The following STXBP5L variants were observed in gnomAD, a reference collection of about 807,000 sequenced individuals.
The protein encoded by STXBP5L is syntaxin binding protein 5L.
STXBP5L carries 65 observed loss-of-function variants against 144.5 expected under a neutral mutation model. That is an observed-to-expected ratio of 0.45 (90% CI 0.37 to 0.55). The LOEUF (loss-of-function observed/expected upper bound fraction) is 0.55, where lower values mean the gene tolerates loss of function less well. Ranked by LOEUF, STXBP5L falls within the 20% of genes least tolerant of loss-of-function variation. The probability of loss-of-function intolerance (pLI) is 0.00; values close to 1 mark genes in which losing one functional copy is unlikely to be tolerated. For synonymous variants in STXBP5L, 505 were observed against 469.6 expected (o/e 1.08, Z -0.97); for missense variants, 1,298 against 1,405.5 (o/e 0.92, Z 1.22).
At chr3:121,373,199 A>G (rs1384468215) in intron 20 of STXBP5L, among the ~76,000 whole-genome samples, 1 of 152,240 alleles carries the variant, frequency 6.6e-6, no homozygotes, top group Non-Finnish European at 1.5e-5. Flanking sequence ...TAGAAAAGGA[A>G]GCAAGGCACT....
chr3:120,982,560 G>T (rs1185595435), intron 3 of STXBP5L, among the ~76,000 whole-genome samples: 1 of 152,220 alleles, frequency 6.6e-6, no homozygotes, highest in Non-Finnish European at 1.5e-5. Flanking sequence ...AGGCCACAGT[G>T]TAACTGAGGG....
intron 3 of STXBP5L, among the ~76,000 whole-genome samples, chr3:121,019,855 A>C (rs950420459): frequency 1.3e-5 from 2 of 152,184 alleles, no homozygotes; most frequent in African/African-American, 4.8e-5. Context: ...GTAATATGAC[A>C]AAACAAGGTT....
intron 11 of STXBP5L, among the ~76,000 whole-genome samples, chr3:121,232,693 A>G (rs2049346471): frequency 6.6e-6 from 1 of 152,216 alleles, no homozygotes; most frequent in Non-Finnish European, 1.5e-5. Flanking sequence ...CACAATGGAA[A>G]GCCAAACACT....
chr3:121,077,781 C>T (rs1240663506), intron 5 of STXBP5L, among the ~76,000 whole-genome samples: 1 of 152,066 alleles, frequency 6.6e-6, no homozygotes, highest in African/African-American at 2.4e-5. Context: ...AGAGTGTCAA[C>T]ACAAAGGTTC....
At chr3:120,990,543 C>T (rs1193918844) in intron 3 of STXBP5L, among the ~76,000 whole-genome samples, 1 of 152,166 alleles carries the variant, frequency 6.6e-6, no homozygotes, top group Non-Finnish European at 1.5e-5. Flanking sequence ...CATCACGCTA[C>T]CTGACTTCAA....
At chr3:120,982,078 C>T (rs757133608) in intron 3 of STXBP5L, among the ~76,000 whole-genome samples, 13 of 152,206 alleles carry the variant, frequency 8.5e-5, no homozygotes, top group Non-Finnish European at 1.6e-4. Context: ...TCTCATTCCT[C>T]AACACTGTGG....
chr3:121,020,835 A>C (rs770962982), intron 3 of STXBP5L, among the ~76,000 whole-genome samples: 1 of 136,772 alleles, frequency 7.3e-6, no homozygotes, highest in Non-Finnish European at 1.6e-5. Context: ...CACAGTACCT[A>C]TAAAACAATA....
rs543483220 is a variant in STXBP5L, at chr3:121,060,413, G to A, written c.470+14878G>A. On this transcript the variant is annotated intron_variant, in intron 5 of 26. Coordinates refer to ENST00000471454, the MANE Select transcript of STXBP5L (RefSeq NM_001308330.2). ...AGATTTTCACATCGATATTCATCAG[G>A]GATATTGGCCTGAAATTTTCCTTGT... Among the ~76,000 whole-genome samples, 12 of 152,240 alleles carry A rather than the reference G, an allele frequency of 7.9e-5. No homozygotes were observed. The South Asian group carries it at 2.5e-3, about 32-fold the overall frequency.
chr3:121,116,928 G>A (rs16832116), intron 6 of STXBP5L, among the ~76,000 whole-genome samples: 1 of 151,850 alleles, frequency 6.6e-6, no homozygotes, highest in Admixed American at 6.6e-5. Flanking sequence ...AAAATATATA[G>A]ATGCATCACT....
chr3:121,139,664 C>G (rs549881916), intron 7 of STXBP5L, among the ~76,000 whole-genome samples: 1 of 152,120 alleles, frequency 6.6e-6, no homozygotes, highest in Admixed American at 6.5e-5. Flanking sequence ...AGAACATTAA[C>G]CTCATCACCA....
intron 5 of STXBP5L, among the ~76,000 whole-genome samples, chr3:121,092,860 G>A (rs1006868905): frequency 2.0e-5 from 3 of 152,200 alleles, no homozygotes; most frequent in Non-Finnish European, 4.4e-5. Flanking sequence ...AGTTTTCAAA[G>A]GGAATGCTTC....
At chr3:121,098,603 A>C (rs192774298) in intron 5 of STXBP5L, among the ~76,000 whole-genome samples, 1 of 152,230 alleles carries the variant, frequency 6.6e-6, no homozygotes, top group East Asian at 1.9e-4. Context: ...GGGGACACAC[A>C]CTCAAACCGT....
At chr3:121,264,669 G>A (rs539451546) in intron 18 of STXBP5L, among the ~76,000 whole-genome samples, 2 of 152,150 alleles carry the variant, frequency 1.3e-5, no homozygotes, top group South Asian at 4.2e-4. Flanking sequence ...CCAATTAAAA[G>A]ACACAGACTG....
chr3:121,353,191 C>T (rs2045367385), intron 20 of STXBP5L, among the ~76,000 whole-genome samples: 1 of 152,074 alleles, frequency 6.6e-6, no homozygotes, highest in Admixed American at 6.6e-5. Context: ...ATGATGTTGG[C>T]CTCATAAAAT....
intron 22 of STXBP5L, 98 bp downstream of exon 22, chr3:121,381,630 T>C: frequency 6.8e-7 from 1 of 1,478,114 alleles, no homozygotes; most frequent in Non-Finnish European, 9.1e-7. Flanking sequence ...GAGCAAAGGT[T>C]ATAAGTATTC....
intron 7 of STXBP5L, among the ~76,000 whole-genome samples, chr3:121,132,190 G>T (rs2045022405): frequency 6.6e-6 from 1 of 152,168 alleles, no homozygotes; most frequent in South Asian, 2.1e-4. Flanking sequence ...GACCCTCCCT[G>T]CCCTGCTGCT....
intron 5 of STXBP5L, among the ~76,000 whole-genome samples, chr3:121,092,699 C>G (rs2042879313): frequency 6.6e-6 from 1 of 152,188 alleles, no homozygotes; most frequent in Admixed American, 6.5e-5. Flanking sequence ...TCTAGATACA[C>G]AATCATGTCA....
intron 5 of STXBP5L, among the ~76,000 whole-genome samples, chr3:121,058,323 G>A (rs1948596462): frequency 6.6e-6 from 1 of 152,216 alleles, no homozygotes; most frequent in South Asian, 2.1e-4. Context: ...TTCTATGGCT[G>A]CATAGGAGTC....
chr3:121,072,663 C>T (rs1018238942), intron 5 of STXBP5L, among the ~76,000 whole-genome samples: 1 of 152,106 alleles, frequency 6.6e-6, no homozygotes, highest in Admixed American at 6.5e-5. Context: ...TAAGGGTTTC[C>T]TTTTCCTTCT....
Sources: allele counts gnomAD v4.1 joint callset (sites outside exome capture counted in the v4.1 genomes callset), GRCh38; gene constraint gnomAD v4.1.1; transcripts MANE v1.5; gene names NCBI Gene and HGNC (gene_info 2026-07-23, HGNC 2026-07-21).